Variants in KLHL29 observed in about 807,000 individuals in gnomAD.
KLHL29 encodes the protein kelch like family member 29.
KLHL29 carries 21 observed loss-of-function variants against 80.4 expected under a neutral mutation model. The observed-to-expected ratio is 0.26, with a 90% CI of 0.19 to 0.38. KLHL29 has a LOEUF of 0.38. KLHL29 is among the 10% of genes least tolerant of loss of function. The probability of loss-of-function intolerance (pLI) is 1.00; values close to 1 mark genes in which losing one functional copy is unlikely to be tolerated. For synonymous variants in KLHL29, 511 were observed against 526.8 expected (o/e 0.97, Z 0.41); for missense variants, 867 against 1,223.9 (o/e 0.71, Z 4.35).
At chr2:23,615,388 C>G (rs1668978540) in intron 3 of KLHL29, among the ~76,000 whole-genome samples, 1 of 152,182 alleles carries the variant, frequency 6.6e-6, no homozygotes, top group Non-Finnish European at 1.5e-5. Flanking sequence ...ACCATCCAAC[C>G]TGGGATCCTG....
intron 1 of KLHL29, among the ~76,000 whole-genome samples, chr2:23,412,123 G>GT (rs1491276625): frequency 1.8e-4 from 1 of 5,612 alleles, no homozygotes; most frequent in Non-Finnish European, 6.7e-4. Flanking sequence ...TGTGCGTGAA[G>GT]GGGGGGGGGG....
At chr2:23,702,729 T>A (rs978829527) in intron 11 of KLHL29, among the ~76,000 whole-genome samples, 2 of 152,188 alleles carry the variant, frequency 1.3e-5, no homozygotes, top group Admixed American at 6.5e-5. Context: ...TTATTCTTTG[T>A]GTGTTTTATT....
chr2:23,603,900 G>C (rs375021554), intron 3 of KLHL29, among the ~76,000 whole-genome samples: 1 of 152,196 alleles, frequency 6.6e-6, no homozygotes, highest in Non-Finnish European at 1.5e-5. Flanking sequence ...CATTGTCCCC[G>C]TCTCCTCCAG....
In KLHL29 at chr2:23,642,448, G is replaced by GCCC; in HGVS notation, c.540_542dup (p.Pro181dup). On this transcript the variant is annotated inframe_insertion, in exon 5 of 14. Transcript: ENST00000486442. ...CTTCAGCCCGGCTGTGAACGTCCAG[G>GCCC]CCCCGGTCATTGGGGTGACCCCCTC... The GCCC allele has an allele frequency of 6.6e-7, 1 of 1,505,864 alleles. No individual in the cohort carries two copies. Among genetic ancestry groups the GCCC allele is most frequent in the South Asian group, 1.3e-5 (1 of 76,050 alleles). 93.3% of individuals were successfully genotyped at this position (1,505,864 alleles called of 1,614,324 possible).
chr2:23,676,355 TC>T (rs1250802161), intron 5 of KLHL29, among the ~76,000 whole-genome samples: 1 of 152,220 alleles, frequency 6.6e-6, no homozygotes, highest in Non-Finnish European at 1.5e-5. Flanking sequence ...GCTAATTTTT[TC>T]TATTTTTAGT....
chr2:23,485,442 G>T, intron 2 of KLHL29, among the ~76,000 whole-genome samples: 1 of 152,218 alleles, frequency 6.6e-6, no homozygotes, highest in East Asian at 1.9e-4. Flanking sequence ...AGGGCAGAGG[G>T]TGACGCACTG....
chr2:23,409,712 G>A (rs1386042274), intron 1 of KLHL29, among the ~76,000 whole-genome samples: 2 of 152,178 alleles, frequency 1.3e-5, no homozygotes, highest in African/African-American at 2.4e-5. Flanking sequence ...GTTGGAACTC[G>A]ACAGGGAGCA....
At chr2:23,581,374 T>C (rs1667976255) in intron 3 of KLHL29, among the ~76,000 whole-genome samples, 1 of 152,236 alleles carries the variant, frequency 6.6e-6, no homozygotes, top group Non-Finnish European at 1.5e-5. Flanking sequence ...GGAGGTTCTA[T>C]GGCTCAGCTG....
intron 2 of KLHL29, chr2:23,524,379 TC>T: frequency 5.8e-6 from 1 of 171,070 alleles, no homozygotes; most frequent in South Asian, 1.4e-4. Context: ...TACCTTTAGG[TC>T]CTGCCCCGGG....
intron 1 of KLHL29, among the ~76,000 whole-genome samples, chr2:23,396,582 C>T (rs116347759): frequency 0.016 from 2,486 of 152,254 alleles, 27 homozygotes; most frequent in Non-Finnish European, 0.02. Context: ...CAGGAGGCTG[C>T]GTGCAGTGCG....
intron 1 of KLHL29, among the ~76,000 whole-genome samples, chr2:23,406,816 G>T (rs1666749349): frequency 6.6e-6 from 1 of 152,090 alleles, no homozygotes; most frequent in African/African-American, 2.4e-5. Flanking sequence ...TCTAGAAATA[G>T]AATTACCAAG....
chr2:23,533,996 A>G (rs1666584217), intron 2 of KLHL29, among the ~76,000 whole-genome samples: 2 of 150,356 alleles, frequency 1.3e-5, no homozygotes, highest in African/African-American at 2.4e-5. Flanking sequence ...TTTTTGGGGT[A>G]TGTAATAGTC....
In KLHL29 at chr2:23,549,860, A is replaced by C. The variant is rs532570900; in HGVS notation, c.-45-12292A>C. Among the ~76,000 whole-genome samples, 318 of 152,330 alleles carry C rather than the reference A, an allele frequency of 2.1e-3. 1 individual carries two copies. The highest frequency in any genetic ancestry group is 3.8e-3 in the Non-Finnish European group (258 of 68,006). ...CCAGCAGGCTGCTTGCATGGCGGGC[A>C]GAGCTGGGACTGCCATCCTTGGCTG... On this transcript the variant is annotated intron_variant, in intron 2 of 13. Transcript: ENST00000486442.
At chr2:23,672,324 A>G (rs921409050) in intron 5 of KLHL29, 3 of 152,164 alleles carry the variant, frequency 2.0e-5, no homozygotes, top group African/African-American at 7.3e-5. Flanking sequence ...ACCTCCGTCC[A>G]CTCCAGTGGC....
chr2:23,430,109 T>C (rs986463194), intron 1 of KLHL29, among the ~76,000 whole-genome samples: 1 of 152,098 alleles, frequency 6.6e-6, no homozygotes, highest in African/African-American at 2.4e-5. Flanking sequence ...CTTCCACCAG[T>C]GCAGTGGTTA....
chr2:23,408,872 C>T (rs1232153636), intron 1 of KLHL29, among the ~76,000 whole-genome samples: 3 of 152,130 alleles, frequency 2.0e-5, no homozygotes, highest in Non-Finnish European at 4.4e-5. Context: ...TTGGGGCATA[C>T]GGTGTTCGTG....
chr2:23,460,929 G>A (rs889036107), intron 1 of KLHL29, among the ~76,000 whole-genome samples: 1 of 152,230 alleles, frequency 6.6e-6, no homozygotes, highest in Non-Finnish European at 1.5e-5. Flanking sequence ...TGATAAGGGC[G>A]GAAGTTTGCA....
intron 1 of KLHL29, among the ~76,000 whole-genome samples, chr2:23,420,162 CT>C (rs1662751827): frequency 6.6e-6 from 1 of 152,184 alleles, no homozygotes; most frequent in South Asian, 2.1e-4. Context: ...CTGTTCCCTC[CT>C]GCCCAGCGAC....
Position 23,512,066 on chromosome 2 carries a change from A to T in KLHL29, c.-46+36399A>T, listed in dbSNP as rs533629299. Among the ~76,000 whole-genome samples, 17 of 152,334 alleles carry T rather than the reference A, an allele frequency of 1.1e-4. No homozygotes were observed. In the South Asian group the frequency reaches 1.5e-3, roughly 13 times the overall value. The stretch of plus-strand genomic sequence containing the variant: ...ACGGAACCCGCAGTGGATGCAGCAG[A>T]CTTTGGAACTGCACTTCCACTTACT... On this transcript the variant is annotated intron_variant, in intron 2 of 13. Coordinates refer to ENST00000486442, the MANE Select transcript of KLHL29 (RefSeq NM_052920.2).
Sources: gnomAD v4.1 joint callset for allele counts (sites outside exome capture counted in the v4.1 genomes callset) on GRCh38, gnomAD v4.1.1 for gene constraint, MANE v1.5 for transcripts, NCBI Gene and HGNC (gene_info 2026-07-23, HGNC 2026-07-21) for gene names.